EPN2: variants seen among roughly 807,000 people sequenced by gnomAD.
EPN2 encodes the protein epsin-2.
Under a neutral mutation model 61.7 loss-of-function variants are expected in EPN2, and 34 were observed. That is an observed-to-expected ratio of 0.55 (90% confidence interval 0.42 to 0.73). The LOEUF (loss-of-function observed/expected upper bound fraction) is 0.73, where lower values mean the gene tolerates loss of function less well. EPN2 is among the 30% of genes least tolerant of loss of function. The pLI is 0.00. For synonymous variants in EPN2, 349 were observed against 353.6 expected (o/e 0.99, Z 0.15); for missense variants, 714 against 839.2 (o/e 0.85, Z 1.84).
intron 1 of EPN2, among the ~76,000 whole-genome samples, chr17:19,238,341 AGGCT>A (rs2044842574): frequency 6.6e-6 from 1 of 152,080 alleles, no homozygotes; most frequent in South Asian, 2.1e-4. Flanking sequence ...GCGCGTTGGG[AGGCT>A]GGCCTTTGCT....
intron 1 of EPN2, among the ~76,000 whole-genome samples, chr17:19,244,268 G>A (rs900141107): frequency 4.6e-5 from 7 of 152,126 alleles, no homozygotes; most frequent in African/African-American, 1.7e-4. Context: ...AGACCAGCAT[G>A]GCCAACATGG....
intron 5 of EPN2, 64 bp from the exon 6 acceptor site, chr17:19,311,988 C>T (rs1378775652): frequency 9.6e-7 from 1 of 1,042,626 alleles, no homozygotes; most frequent in African/African-American, 1.6e-5. Context: ...TGTTTCTGGC[C>T]AGTGTGGCTT....
At chr17:19,310,854 A>C (rs1167082838) in intron 5 of EPN2, among the ~76,000 whole-genome samples, 1 of 152,130 alleles carries the variant, frequency 6.6e-6, no homozygotes, top group Non-Finnish European at 1.5e-5. Context: ...CTGAGAGTAC[A>C]GTCTTGGGCC....
intron 7 of EPN2, among the ~76,000 whole-genome samples, chr17:19,318,091 T>C (rs1906470660): frequency 6.6e-6 from 1 of 152,208 alleles, no homozygotes; most frequent in Admixed American, 6.5e-5. Flanking sequence ...GTCCCCAGTG[T>C]CACTTGCAGA....
At chr17:19,313,705 G>A (rs1024744918) in intron 7 of EPN2, 1 of 175,420 alleles carries the variant, frequency 5.7e-6, no homozygotes, top group Non-Finnish European at 1.2e-5. Flanking sequence ...CTGATGAAAA[G>A]GGGATACATT....
chr17:19,293,150 G>A (rs943208572), intron 4 of EPN2, among the ~76,000 whole-genome samples: 1 of 151,910 alleles, frequency 6.6e-6, no homozygotes, highest in African/African-American at 2.4e-5. Flanking sequence ...AGGTTGAGAC[G>A]GGCAGATCAC....
intron 4 of EPN2, among the ~76,000 whole-genome samples, chr17:19,299,445 C>A (rs1360372507): frequency 6.6e-6 from 1 of 152,212 alleles, no homozygotes; most frequent in Non-Finnish European, 1.5e-5. Flanking sequence ...ACTGCTGGTC[C>A]CCAGCCATGA....
At position 19,283,553 on chromosome 17, in the gene EPN2, C is replaced by T. The variant is rs772908508; in HGVS notation, c.434C>T (p.Ala145Val). 10 of 1,614,114 alleles carry T rather than the reference C, an allele frequency of 6.2e-6. No individual in the cohort carries two copies. The South Asian group carries it at 7.7e-5, about 12-fold the overall frequency. Reference sequence around the variant, plus strand: ...GAGGAACGGTTGAAGGCTGAGAGGGCCCAGGCTCTCAAAACCAAAGAGCGC... The same window carrying T: ...GAGGAACGGTTGAAGGCTGAGAGGGTCCAGGCTCTCAAAACCAAAGAGCGC... Reference protein sequence around the residue: ...KDEERLKAERAQALKTKERMA... With the variant: ...KDEERLKAERVQALKTKERMA... Residue 145 changes from alanine (A) to valine (V), a missense_variant, in exon 3 of 11, where the codon GCC becomes GTC. Coordinates refer to ENST00000314728, the MANE Select transcript of EPN2 (RefSeq NM_014964.5). This position sits in a 1 kb window ranked among gnomAD's most constrained non-coding sequence, Gnocchi z 7.0.
intron 4 of EPN2, among the ~76,000 whole-genome samples, chr17:19,289,177 C>T (rs566005113): frequency 3.3e-5 from 5 of 150,862 alleles, no homozygotes; most frequent in Middle Eastern, 3.2e-3. Context: ...CTCTGCCTCC[C>T]GGGTTCACGC....
chr17:19,283,088 A>T lies in EPN2; in HGVS notation c.-32A>T, dbSNP rs749577587. ...AGGACAGGAAGGTTTCTCTGTTTGA[A>T]GGGCTTTAAACTTATAACAAAGAAA... On this transcript the variant is annotated 5_prime_UTR_variant, in exon 3 of 11. In the 5' UTR this introduces an upstream ATG that the reference lacks. Transcript: ENST00000314728. This position sits in a 1 kb window ranked among gnomAD's most constrained non-coding sequence, Gnocchi z 7.0. The T allele has an allele frequency of 1.4e-5, 21 of 1,538,848 alleles. No individual in the cohort carries two copies. The South Asian group carries it at 2.3e-4, about 17-fold the overall frequency.
chr17:19,240,784 A>C (rs2044876209), intron 1 of EPN2, among the ~76,000 whole-genome samples: 1 of 152,134 alleles, frequency 6.6e-6, no homozygotes, highest in Admixed American at 6.6e-5. Context: ...CTCTTGTGAC[A>C]CTGTGACGTC....
chr17:19,284,331 T>TC (rs1224180417), intron 3 of EPN2, among the ~76,000 whole-genome samples: 1 of 152,214 alleles, frequency 6.6e-6, no homozygotes, highest in Non-Finnish European at 1.5e-5. Flanking sequence ...ATTTGGGTCT[T>TC]TGCCTTATGG....
chr17:19,283,534 C>T lies in EPN2; in HGVS notation c.415C>T (p.Arg139Trp), dbSNP rs750070346. ...GGTGGCTCTCCTCAAGGACGAGGAA[C>T]GGTTGAAGGCTGAGAGGGCCCAGGC... The part of the protein sequence containing the change: ...QLVALLKDEE[R>W]LKAERAQALK... Residue 139 changes from arginine to tryptophan, a missense_variant, in exon 3 of 11, where the codon CGG becomes TGG. By Grantham distance (101) the Arg-to-Trp change is moderately radical. Transcript: ENST00000314728. This position sits in a 1 kb window ranked among gnomAD's most constrained non-coding sequence, Gnocchi z 7.0. 1.2e-5 allele frequency: 19 copies of T among 1,614,090 alleles called. No individual in the cohort carries two copies. Among genetic ancestry groups the T allele is most frequent in the Admixed American group, 1.7e-5 (1 of 60,010 alleles).
chr17:19,309,690 G>A (rs1370778591), intron 4 of EPN2, among the ~76,000 whole-genome samples, 195 bp from the exon 5 acceptor site: 1 of 152,204 alleles, frequency 6.6e-6, no homozygotes, highest in Non-Finnish European at 1.5e-5. Context: ...AGTTGGGAAA[G>A]CTACGTTTGA....
intron 4 of EPN2, among the ~76,000 whole-genome samples, chr17:19,301,052 A>G (rs1357673552): frequency 1.3e-5 from 2 of 152,044 alleles, no homozygotes; most frequent in Non-Finnish European, 1.5e-5. Flanking sequence ...AGTGTGAGGG[A>G]GCAGCGGGCA....
At chr17:19,314,794 G>A (rs1378556385) in intron 7 of EPN2, among the ~76,000 whole-genome samples, 2 of 152,230 alleles carry the variant, frequency 1.3e-5, no homozygotes, top group Non-Finnish European at 2.9e-5. Context: ...CCCCCAGGGA[G>A]CCTGTGGTAT....
chr17:19,310,067 A>C (rs1165648954), intron 5 of EPN2, 70 bp downstream of exon 5: 2 of 1,049,026 alleles, frequency 1.9e-6, no homozygotes, highest in African/African-American at 3.1e-5. Flanking sequence ...CTCACTGGGA[A>C]GAAGATGGCA....
At chr17:19,252,254 T>G (rs1254955430) in intron 1 of EPN2, among the ~76,000 whole-genome samples, 3 of 152,040 alleles carry the variant, frequency 2.0e-5, no homozygotes, top group African/African-American at 7.2e-5. Flanking sequence ...GGGCCTGCAT[T>G]GAGTGAGTCT....
chr17:19,257,225 T>C (rs980071792), intron 1 of EPN2, among the ~76,000 whole-genome samples: 1 of 152,160 alleles, frequency 6.6e-6, no homozygotes, highest in African/African-American at 2.4e-5. Context: ...TTTTTCCCCC[T>C]TCTTTGCCTT....
Sources: gnomAD v4.1 joint callset for allele counts (sites outside exome capture counted in the v4.1 genomes callset) on GRCh38, gnomAD v4.1.1 for gene constraint, Gnocchi (gnomAD v3.1) non-coding constraint, MANE v1.5 for transcripts, NCBI Gene and HGNC (gene_info 2026-07-23, HGNC 2026-07-21) for gene names.